Variants in LUZP2 observed in about 807,000 individuals in gnomAD.
LUZP2 encodes the protein leucine zipper protein 2.
LUZP2 carries 52 observed loss-of-function variants against 51.6 expected under a neutral mutation model. The observed-to-expected ratio is 1.01, with a 90% CI of 0.81 to 1.27. The LOEUF is 1.27. Among genes scored for constraint, LUZP2 ranks in the 50% most tolerant of loss-of-function variants. The probability of loss-of-function intolerance (pLI) is 0.00; values close to 1 mark genes in which losing one functional copy is unlikely to be tolerated. For synonymous variants in LUZP2, 154 were observed against 137.3 expected (o/e 1.12, Z -0.85); for missense variants, 436 against 395.4 (o/e 1.10, Z -0.87).
intron 1 of LUZP2, among the ~76,000 whole-genome samples, chr11:24,538,652 ATG>A (rs10627420): frequency 0.24 from 35,766 of 146,214 alleles, 4,435 homozygotes; most frequent in Middle Eastern, 0.38. Context: ...TGTTTTTTAT[ATG>A]TGTGTGTGTG....
chr11:24,668,505 A>G (rs1414206432), intron 1 of LUZP2, among the ~76,000 whole-genome samples: 1 of 152,190 alleles, frequency 6.6e-6, no homozygotes, highest in Admixed American at 6.6e-5. Flanking sequence ...TAAAGAGAAT[A>G]CCATTTTACT....
intron 1 of LUZP2, among the ~76,000 whole-genome samples, chr11:24,529,682 A>ACAAGTAGTGAAATTTCCCCC (rs1475531504): frequency 6.6e-6 from 1 of 151,016 alleles, no homozygotes; most frequent in Non-Finnish European, 1.5e-5. Context: ...GCATTTCTCC[A>ACAAGTAGTGAAATTTCCCCC]CAAGTAGTGA....
At chr11:24,722,771 G>A (rs1858325795) in intron 1 of LUZP2, among the ~76,000 whole-genome samples, 1 of 151,878 alleles carries the variant, frequency 6.6e-6, no homozygotes, top group Non-Finnish European at 1.5e-5. Flanking sequence ...ACAAAAATTA[G>A]CTGGGCGTGG....
rs1854257783 is a variant in LUZP2, at chr11:24,926,397, ATATATATATACGTGTG to A, written c.522+11869_522+11884del. On this transcript the variant is annotated intron_variant, in intron 7 of 11. Coordinates refer to ENST00000336930, the MANE Select transcript of LUZP2 (RefSeq NM_001009909.4). ...TACGTGTGTATATATATACGTGTGT[ATATATATATACGTGTG>A]TATATATATGTGTGTATATATATAC... 4.6e-5 allele frequency among the ~76,000 whole-genome samples: 3 copies of A among 65,252 alleles called. 1 individual carries two copies. The highest frequency in any genetic ancestry group is 1.4e-4 in the African/African-American group (3 of 20,856). The allele number at this position is 65,252 out of a possible 152,430, so 42.8% of individuals were successfully genotyped here.
intron 1 of LUZP2, among the ~76,000 whole-genome samples, chr11:24,576,651 G>A (rs1475821167): frequency 6.6e-6 from 1 of 151,910 alleles, no homozygotes; most frequent in Non-Finnish European, 1.5e-5. Context: ...ATTTTTGGAG[G>A]TAATTGACAA....
intron 1 of LUZP2, among the ~76,000 whole-genome samples, chr11:24,543,934 C>T (rs535013721): frequency 6.6e-6 from 1 of 150,438 alleles, no homozygotes; most frequent in South Asian, 2.1e-4. Flanking sequence ...TGTGCTGAGA[C>T]ATCATTGAGC....
At chr11:25,077,915 A>G (rs1859361903) in intron 11 of LUZP2, among the ~76,000 whole-genome samples, 1 of 152,124 alleles carries the variant, frequency 6.6e-6, no homozygotes, top group African/African-American at 2.4e-5. Context: ...TCTGCTTTCT[A>G]CTAAGCTTTT....
intron 5 of LUZP2, among the ~76,000 whole-genome samples, chr11:24,839,154 T>C (rs1223126185): frequency 1.3e-5 from 2 of 151,716 alleles, no homozygotes; most frequent in African/African-American, 4.8e-5. Context: ...TAGTCTTTCA[T>C]GTTTTGTACA....
intron 5 of LUZP2, among the ~76,000 whole-genome samples, chr11:24,864,022 T>C (rs1257874142): frequency 6.6e-6 from 1 of 152,154 alleles, no homozygotes; most frequent in Non-Finnish European, 1.5e-5. Flanking sequence ...AATGGGTAAC[T>C]TAGAGGGTGC....
At chr11:24,828,003 T>C (rs889609709) in intron 5 of LUZP2, among the ~76,000 whole-genome samples, 3 of 151,004 alleles carry the variant, frequency 2.0e-5, no homozygotes, top group African/African-American at 4.9e-5. Context: ...TTACAGATTT[T>C]ATCCCAGCTC....
At chr11:24,529,941 C>A (rs1178228104) in intron 1 of LUZP2, among the ~76,000 whole-genome samples, 1 of 150,782 alleles carries the variant, frequency 6.6e-6, no homozygotes, top group African/African-American at 2.4e-5. Flanking sequence ...GTATTCAGAG[C>A]AGAGAAGACA....
chr11:24,686,085 C>T (rs1375385464), intron 1 of LUZP2, among the ~76,000 whole-genome samples: 1 of 152,112 alleles, frequency 6.6e-6, no homozygotes, highest in African/African-American at 2.4e-5. Context: ...GTAAGCCAAA[C>T]ATGCTGGCAA....
At chr11:24,613,774 T>A (rs903347453) in intron 1 of LUZP2, among the ~76,000 whole-genome samples, 3 of 146,524 alleles carry the variant, frequency 2.0e-5, no homozygotes, top group Admixed American at 2.0e-4. Context: ...TAAAAGAGGA[T>A]AATGCTCAGT....
intron 1 of LUZP2, among the ~76,000 whole-genome samples, chr11:24,668,978 A>G (rs10767233): frequency 0.28 from 42,741 of 152,004 alleles, 6,672 homozygotes; most frequent in Admixed American, 0.39. Flanking sequence ...TATATTTTTC[A>G]GTAAACGGCT....
chr11:24,828,743 C>G (rs1466915143), intron 5 of LUZP2, among the ~76,000 whole-genome samples: 1 of 152,110 alleles, frequency 6.6e-6, no homozygotes, highest in South Asian at 2.1e-4. Flanking sequence ...CTGGCAGCTT[C>G]TCAGAGATCT....
chr11:24,897,100 G>A (rs1853089649), intron 5 of LUZP2, among the ~76,000 whole-genome samples: 1 of 152,034 alleles, frequency 6.6e-6, no homozygotes, highest in South Asian at 2.1e-4. Context: ...TGGGGACTTG[G>A]AGAACTTTTA....
intron 5 of LUZP2, among the ~76,000 whole-genome samples, chr11:24,790,804 T>C (rs1013637831): frequency 1.3e-5 from 2 of 152,044 alleles, no homozygotes; most frequent in African/African-American, 4.8e-5. Flanking sequence ...ACACAGCCAA[T>C]CCTTTTATTC....
At chr11:24,643,655 C>T (rs897554289) in intron 1 of LUZP2, among the ~76,000 whole-genome samples, 2 of 152,060 alleles carry the variant, frequency 1.3e-5, no homozygotes, top group Non-Finnish European at 2.9e-5. Flanking sequence ...TAAATTATCC[C>T]GAACAACCCC....
At chr11:24,955,620 C>A (rs1316362210) in intron 7 of LUZP2, among the ~76,000 whole-genome samples, 1 of 151,994 alleles carries the variant, frequency 6.6e-6, no homozygotes, top group Non-Finnish European at 1.5e-5. Flanking sequence ...TTTACACAAT[C>A]TTCCTGGAAT....
Sources: gnomAD v4.1 joint callset for allele counts (sites outside exome capture counted in the v4.1 genomes callset) on GRCh38, gnomAD v4.1.1 for gene constraint, MANE v1.5 for transcripts, NCBI Gene and HGNC (gene_info 2026-07-23, HGNC 2026-07-21) for gene names.